Variants in MTUS1 observed in about 807,000 individuals in gnomAD.
MTUS1 encodes microtubule associated scaffold protein 1.
Under a neutral mutation model 120.8 loss-of-function variants are expected in MTUS1, and 109 were observed. The ratio of observed to expected loss-of-function variants is 0.90; its 90% CI spans 0.77 to 1.06. The LOEUF is 1.06. Ranked by LOEUF, MTUS1 falls within the 50% of genes least tolerant of loss-of-function variation. The pLI, the probability that MTUS1 is intolerant of heterozygous loss-of-function variation, is 0.00. For missense variants in MTUS1, 2,210 were observed against 1,486.3 expected (o/e 1.49, Z -8.01); for synonymous variants, 737 against 550.5 (o/e 1.34, Z -4.74).
At chr8:17,783,912 T>C (rs1440428646) in intron 1 of MTUS1, among the ~76,000 whole-genome samples, 1 of 152,106 alleles carries the variant, frequency 6.6e-6, no homozygotes, top group Non-Finnish European at 1.5e-5. Flanking sequence ...CCCGATGACA[T>C]GAAGGTCACT....
intron 1 of MTUS1, among the ~76,000 whole-genome samples, chr8:17,793,690 G>T (rs1476010310): frequency 6.6e-6 from 1 of 152,296 alleles, no homozygotes; most frequent in Non-Finnish European, 1.5e-5. Context: ...ACGCCAAAGA[G>T]TACAGTGCTA....
At chr8:17,759,849 G>C (rs945913022) in intron 1 of MTUS1, among the ~76,000 whole-genome samples, 1 of 151,604 alleles carries the variant, frequency 6.6e-6, no homozygotes, top group Non-Finnish European at 1.5e-5. Flanking sequence ...GAAAAATAAA[G>C]AAGCCATCAA....
At chr8:17,782,061 C>T (rs1447523180) in intron 1 of MTUS1, among the ~76,000 whole-genome samples, 2 of 152,170 alleles carry the variant, frequency 1.3e-5, no homozygotes, top group African/African-American at 2.4e-5. Context: ...ATGGGCAAGT[C>T]CGTGGTTTTA....
chr8:17,647,103 C>A, intron 13 of MTUS1, 24 bp from the exon 14 acceptor site: 2 of 1,560,096 alleles, frequency 1.3e-6, no homozygotes, highest in African/African-American at 1.4e-5. Context: ...AGAATTCCAA[C>A]ATTTATACAA....
At chr8:17,646,195 A>AT in intron 14 of MTUS1, 56 bp from the exon 15 acceptor site, 2 of 1,480,220 alleles carry the variant, frequency 1.4e-6, no homozygotes, top group Non-Finnish European at 1.8e-6. Flanking sequence ...AAAAACTTGA[A>AT]AAATTTTTCT....
At chr8:17,788,400 C>T (rs1422345502) in intron 1 of MTUS1, among the ~76,000 whole-genome samples, 1 of 152,160 alleles carries the variant, frequency 6.6e-6, no homozygotes, top group Non-Finnish European at 1.5e-5. Flanking sequence ...ATCCTTCCTA[C>T]CCAACAGAAA....
intron 13 of MTUS1, among the ~76,000 whole-genome samples, chr8:17,649,265 C>T (rs1450536914): frequency 6.6e-6 from 1 of 152,080 alleles, no homozygotes; most frequent in Non-Finnish European, 1.5e-5. Flanking sequence ...CCATGTTGGC[C>T]AGGCTGGTCT....
At chr8:17,653,163 A>G in intron 12 of MTUS1, 23 bp downstream of exon 12, 1 of 1,373,746 alleles carries the variant, frequency 7.3e-7, no homozygotes, top group Non-Finnish European at 1.0e-6. Flanking sequence ...TTCCATACTG[A>G]TAAAGGAGCA....
intron 14 of MTUS1, among the ~76,000 whole-genome samples, chr8:17,646,451 GGT>G: frequency 6.6e-6 from 1 of 152,240 alleles, no homozygotes; most frequent in Admixed American, 6.5e-5. Context: ...AGTCACGCAT[GGT>G]GACATGTGCC....
At chr8:17,699,999 A>G (rs747316163) in intron 6 of MTUS1, among the ~76,000 whole-genome samples, 3 of 152,164 alleles carry the variant, frequency 2.0e-5, no homozygotes, top group Non-Finnish European at 4.4e-5. Context: ...GGAACTCCAT[A>G]TTTTCTGAAA....
intron 7 of MTUS1, chr8:17,676,058 A>T (rs1052903101): frequency 1.6e-5 from 9 of 576,408 alleles, no homozygotes; most frequent in Admixed American, 6.2e-5. Flanking sequence ...CTAAAAAAAA[A>T]ATGAAGAATT....
intron 2 of MTUS1, among the ~76,000 whole-genome samples, chr8:17,745,387 T>A: frequency 6.6e-6 from 1 of 152,232 alleles, no homozygotes; most frequent in African/African-American, 2.4e-5. Flanking sequence ...ATTACTTGTT[T>A]CAGGTGGATT....
intron 6 of MTUS1, chr8:17,691,391 C>T (rs1436648969): frequency 6.6e-6 from 1 of 152,232 alleles, no homozygotes. Context: ...ATTCATGTCA[C>T]GGCAAAGCTA....
chr8:17,675,977 C>A, intron 7 of MTUS1: 2 of 377,262 alleles, frequency 5.3e-6, no homozygotes, highest in Non-Finnish European at 9.7e-6. Flanking sequence ...CACACATACA[C>A]ACATACTTAC....
At chr8:17,696,333 A>T (rs1274335954) in intron 6 of MTUS1, among the ~76,000 whole-genome samples, 1 of 152,144 alleles carries the variant, frequency 6.6e-6, no homozygotes, top group Non-Finnish European at 1.5e-5. Flanking sequence ...TCAGCTGAAA[A>T]CAAATCACCA....
chr8:17,791,075 G>C (rs570205275), intron 1 of MTUS1, among the ~76,000 whole-genome samples: 5 of 152,286 alleles, frequency 3.3e-5, no homozygotes, highest in Admixed American at 2.0e-4. Context: ...ATTAAAACTA[G>C]TCAAATAACA....
intron 1 of MTUS1, among the ~76,000 whole-genome samples, chr8:17,772,060 C>T (rs2050063023): frequency 2.6e-5 from 4 of 152,172 alleles, no homozygotes; most frequent in African/African-American, 9.6e-5. Flanking sequence ...GAAGCAGAAT[C>T]AGGATCAGAA....
intron 8 of MTUS1, among the ~76,000 whole-genome samples, chr8:17,663,374 G>A (rs917943943): frequency 1.3e-5 from 2 of 152,168 alleles, no homozygotes; most frequent in African/African-American, 4.8e-5. Context: ...GCCCGACATT[G>A]TTAATATTCT....
At chr8:17,775,930 G>A (rs890292897) in intron 1 of MTUS1, among the ~76,000 whole-genome samples, 4 of 152,182 alleles carry the variant, frequency 2.6e-5, no homozygotes, top group Non-Finnish European at 5.9e-5. Flanking sequence ...CTACTGGGCC[G>A]CCAAGCCATT....
Sources: gnomAD v4.1 joint callset for allele counts (sites outside exome capture counted in the v4.1 genomes callset) on GRCh38, gnomAD v4.1.1 for gene constraint, MANE v1.5 for transcripts, NCBI Gene and HGNC (gene_info 2026-07-23, HGNC 2026-07-21) for gene names.